The following ZDHHC7 variants were observed in gnomAD, a reference collection of about 807,000 sequenced individuals.
ZDHHC7 encodes the protein zDHHC palmitoyltransferase 7.
ZDHHC7 carries 12 observed loss-of-function variants against 34.1 expected under a neutral mutation model. The observed-to-expected ratio is 0.35, with a 90% CI of 0.23 to 0.57. The LOEUF (loss-of-function observed/expected upper bound fraction) is 0.57. ZDHHC7 is among the 20% of genes least tolerant of loss of function. The pLI is 0.84. For synonymous variants in ZDHHC7, 185 were observed against 155.4 expected (o/e 1.19, Z -1.42); for missense variants, 388 against 402.7 (o/e 0.96, Z 0.31).
chr16:85,007,350 G>T (rs1010036649), intron 1 of ZDHHC7, among the ~76,000 whole-genome samples: 7 of 150,618 alleles, frequency 4.6e-5, no homozygotes, highest in Non-Finnish European at 4.4e-5. Context: ...TTGAACCTGG[G>T]AGGCGGAGGT....
At chr16:85,012,237 G>T (rs1352700972), upstream of ZDHHC7, among the ~76,000 whole-genome samples, 1 of 151,898 alleles carries the variant, frequency 6.6e-6, no homozygotes, top group African/African-American at 2.4e-5. Flanking sequence ...ACATAAATTA[G>T]CCGGATGTAG....
intron 7 of ZDHHC7, 37 bp downstream of exon 7, chr16:84,977,058 C>T (rs2072307864): frequency 1.2e-6 from 2 of 1,611,380 alleles, no homozygotes; most frequent in Non-Finnish European, 1.7e-6. Flanking sequence ...AAGCTTGGAC[C>T]ACATATGAAG....
chr16:85,012,715 G>A (rs1305375298), upstream of ZDHHC7, among the ~76,000 whole-genome samples: 2 of 152,046 alleles, frequency 1.3e-5, no homozygotes, highest in East Asian at 3.9e-4. Context: ...AACTATCCTG[G>A]TCAACGTGGC....
chr16:84,982,002 A>G lies in ZDHHC7; in HGVS notation c.316-8T>C, dbSNP rs747825504. The G allele has an allele frequency of 6.2e-7, 1 of 1,613,906 alleles. No individual in the cohort carries two copies. Among genetic ancestry groups the G allele is most frequent in the Admixed American group, 1.7e-5 (1 of 60,014 alleles). On this transcript the variant is annotated splice_polypyrimidine_tract_variant and splice_region_variant and intron_variant, in intron 3 of 7. Transcript: ENST00000313732. ...TCCTTTGGGTACTGCCCCCTACCAT[A>G]TAAGAAGAATGTACTTTAGTTGGGG... is the stretch of plus-strand genomic sequence containing the variant.
chr16:84,998,902 C>T (rs533194940), intron 1 of ZDHHC7, among the ~76,000 whole-genome samples: 12 of 152,004 alleles, frequency 7.9e-5, no homozygotes, highest in South Asian at 2.1e-4. Flanking sequence ...TACAGGTGCA[C>T]GCCACCACTC....
intron 3 of ZDHHC7, among the ~76,000 whole-genome samples, chr16:84,985,773 G>A (rs1383081774): frequency 6.6e-6 from 1 of 151,824 alleles, no homozygotes; most frequent in East Asian, 1.9e-4. Flanking sequence ...TGGCCAATAT[G>A]ATGAAACCCC....
chr16:84,994,909 C>T (rs577957899), intron 2 of ZDHHC7, among the ~76,000 whole-genome samples: 1 of 152,094 alleles, frequency 6.6e-6, no homozygotes, highest in Non-Finnish European at 1.5e-5. Flanking sequence ...TGCACTCACT[C>T]GTGTCTCTGA....
intron 2 of ZDHHC7, among the ~76,000 whole-genome samples, chr16:84,990,924 C>T (rs942706427): frequency 2.0e-5 from 3 of 152,192 alleles, no homozygotes; most frequent in African/African-American, 4.8e-5. Context: ...ACAAGCTAGA[C>T]GCGAAGTCCC....
At chr16:85,012,965 A>C (rs1397849713), upstream of ZDHHC7, among the ~76,000 whole-genome samples, 1 of 152,146 alleles carries the variant, frequency 6.6e-6, no homozygotes, top group Non-Finnish European at 1.5e-5. Context: ...TCTTCGACAG[A>C]AAAATTATTT....
chr16:85,027,022 CT>C, the ZDHHC7 span, among the ~76,000 whole-genome samples: 1 of 152,130 alleles, frequency 6.6e-6, no homozygotes, highest in Non-Finnish European at 1.5e-5. Flanking sequence ...ATTTTAAAAA[CT>C]TTTTTTCTTT....
upstream of ZDHHC7, among the ~76,000 whole-genome samples, chr16:85,016,017 C>G (rs975007755): frequency 6.6e-6 from 1 of 152,008 alleles, no homozygotes; most frequent in African/African-American, 2.4e-5. Context: ...TGCCTAAATT[C>G]CAACAGGAGG....
upstream of ZDHHC7, among the ~76,000 whole-genome samples, chr16:85,013,050 G>A (rs774559762): frequency 6.6e-6 from 1 of 152,176 alleles, no homozygotes; most frequent in Non-Finnish European, 1.5e-5. Flanking sequence ...CTAAAGGGCA[G>A]GTGTAAATTC....
chr16:85,012,237 G>C (rs1352700972), upstream of ZDHHC7, among the ~76,000 whole-genome samples: 1 of 151,898 alleles, frequency 6.6e-6, no homozygotes, highest in African/African-American at 2.4e-5. Context: ...ACATAAATTA[G>C]CCGGATGTAG....
chr16:84,992,642 T>C (rs1439428722), intron 2 of ZDHHC7, among the ~76,000 whole-genome samples: 1 of 151,924 alleles, frequency 6.6e-6, no homozygotes, highest in Non-Finnish European at 1.5e-5. Context: ...GAGGAGAAAA[T>C]ACTGACAAAT....
the ZDHHC7 span, among the ~76,000 whole-genome samples, chr16:85,017,955 CT>C: frequency 6.6e-6 from 1 of 152,140 alleles, no homozygotes; most frequent in Non-Finnish European, 1.5e-5. Context: ...TTTCTTGGAA[CT>C]GTGGTGCCAC....
At chr16:84,981,235 G>A (rs1256598166) in intron 4 of ZDHHC7, among the ~76,000 whole-genome samples, 1 of 152,228 alleles carries the variant, frequency 6.6e-6, no homozygotes, top group Non-Finnish European at 1.5e-5. Flanking sequence ...ACCAGCAGGG[G>A]TGAGGTGTGA....
At chr16:85,007,628 G>C (rs1215539472) in intron 1 of ZDHHC7, among the ~76,000 whole-genome samples, 1 of 151,956 alleles carries the variant, frequency 6.6e-6, no homozygotes, top group East Asian at 1.9e-4. Context: ...TCAGGAAGGA[G>C]GGACTGTCTC....
At position 84,979,178 on chromosome 16, in the gene ZDHHC7, T is replaced by C. The variant is rs1402523609; in HGVS notation, c.537+11A>G. The C allele has an allele frequency of 1.3e-6, 2 of 1,585,000 alleles. No homozygotes were observed. The highest frequency in any genetic ancestry group is 2.2e-5 in the East Asian group (1 of 44,448). On this transcript the variant is annotated intron_variant, in intron 5 of 7. Transcript: ENST00000313732. ...TCAATGTAAATTCAATACAAAAATATTTTTACTTACAGTGAAGAGCACAAA... is the reference window on the plus strand; with the variant it reads ...TCAATGTAAATTCAATACAAAAATACTTTTACTTACAGTGAAGAGCACAAA...
At chr16:85,008,421 G>A (rs546742593) in intron 1 of ZDHHC7, among the ~76,000 whole-genome samples, 6 of 152,092 alleles carry the variant, frequency 3.9e-5, no homozygotes, top group Non-Finnish European at 7.4e-5. Flanking sequence ...CACAGGGAGA[G>A]GACAATCGTG....
Sources: gnomAD v4.1 joint callset for allele counts (sites outside exome capture counted in the v4.1 genomes callset) on GRCh38, gnomAD v4.1.1 for gene constraint, MANE v1.5 for transcripts, NCBI Gene and HGNC (gene_info 2026-07-23, HGNC 2026-07-21) for gene names.